Variants in DACH2 observed in about 807,000 individuals in gnomAD.
DACH2 encodes the protein dachshund homolog 2.
DACH2 carries 17 observed loss-of-function variants against 35.8 expected under a neutral mutation model. That is an observed-to-expected ratio of 0.48 (90% CI 0.33 to 0.71). The LOEUF (loss-of-function observed/expected upper bound fraction) is 0.71. Ranked by LOEUF, DACH2 falls within the 30% of genes least tolerant of loss-of-function variation. The probability of loss-of-function intolerance (pLI) is 0.02; values close to 1 mark genes in which losing one functional copy is unlikely to be tolerated. For synonymous variants in DACH2, 195 were observed against 177.3 expected, an observed-to-expected ratio of 1.10 and a Z score of -0.79; for missense variants, 469 against 472.7, an observed-to-expected ratio of 0.99 and a Z score of 0.07.
intron 3 of DACH2, among the ~76,000 whole-genome samples, chrX:86,630,724 T>C (rs986240205): frequency 4.8e-4 from 53 of 109,833 alleles, no homozygotes; most frequent in Non-Finnish European, 9.7e-4. Context: ...TGAGTCTTGC[T>C]CTGTCGCCCA....
At chrX:86,579,161 C>G (rs1203658182) in intron 3 of DACH2, among the ~76,000 whole-genome samples, 1 of 108,958 alleles carries the variant, frequency 9.2e-6, no homozygotes, top group African/African-American at 3.3e-5. Flanking sequence ...GGCACAATCT[C>G]GGCTCACTGC....
At chrX:86,618,181 C>T (rs2040028705) in intron 3 of DACH2, among the ~76,000 whole-genome samples, 1 of 111,787 alleles carries the variant, frequency 8.9e-6, no homozygotes, top group African/African-American at 3.3e-5. Context: ...GGGAAGATTA[C>T]TTGAGCCCAA....
chrX:86,571,933 T>C (rs1270090169), intron 3 of DACH2, among the ~76,000 whole-genome samples: 1 of 111,170 alleles, frequency 9.0e-6, no homozygotes, highest in Non-Finnish European at 1.9e-5. Flanking sequence ...CATAAAGGAA[T>C]GCTTTATGAT....
At chrX:86,604,954 C>A (rs1329679439) in intron 3 of DACH2, among the ~76,000 whole-genome samples, 2 of 111,618 alleles carry the variant, frequency 1.8e-5, no homozygotes, top group African/African-American at 6.5e-5. Context: ...CACAACCAGA[C>A]AAAAGGATGG....
intron 2 of DACH2, among the ~76,000 whole-genome samples, chrX:86,444,784 G>T (rs2037230758): frequency 9.1e-6 from 1 of 109,438 alleles, no homozygotes; most frequent in African/African-American, 3.3e-5. Context: ...TTTCTTCTAT[G>T]ATTTTTTAAT....
intron 6 of DACH2, among the ~76,000 whole-genome samples, chrX:86,720,794 C>T (rs934249689): frequency 2.7e-5 from 3 of 112,765 alleles, no homozygotes; most frequent in African/African-American, 9.7e-5. Context: ...TTTCCTTCTG[C>T]ACTGCCCTAG....
At chrX:86,376,523 A>G (rs2035970122) in intron 1 of DACH2, among the ~76,000 whole-genome samples, 1 of 110,702 alleles carries the variant, frequency 9.0e-6, no homozygotes, top group African/African-American at 3.3e-5. Context: ...TTGTCTTCAT[A>G]TATGGAAAAG....
intron 3 of DACH2, among the ~76,000 whole-genome samples, chrX:86,547,748 A>G (rs2038996018): frequency 8.9e-6 from 1 of 112,199 alleles, no homozygotes; most frequent in African/African-American, 3.2e-5. Context: ...TTACTTGAGG[A>G]TGTAAAATGG....
At chrX:86,154,436 C>T (rs1201822456) in intron 1 of DACH2, among the ~76,000 whole-genome samples, 2 of 111,129 alleles carry the variant, frequency 1.8e-5, no homozygotes, top group African/African-American at 6.5e-5. Flanking sequence ...TTATTTCCTC[C>T]TTTTCTTCCC....
chrX:86,208,481 A>G (rs1051719590), intron 1 of DACH2, among the ~76,000 whole-genome samples: 3 of 111,734 alleles, frequency 2.7e-5, no homozygotes, highest in Non-Finnish European at 3.8e-5. Flanking sequence ...ATGTTATACA[A>G]GATGTTATGA....
intron 2 of DACH2, among the ~76,000 whole-genome samples, chrX:86,480,469 C>T (rs775208162): frequency 4.0e-4 from 45 of 111,722 alleles, no homozygotes; most frequent in African/African-American, 1.3e-3. Context: ...TGTAACTCTA[C>T]CTTGCTATCA....
intron 3 of DACH2, among the ~76,000 whole-genome samples, chrX:86,590,213 G>A (rs978059463): frequency 1.3e-4 from 15 of 111,753 alleles, no homozygotes; most frequent in Non-Finnish European, 2.4e-4. Context: ...AATTAACTGC[G>A]CTGCTAAGGT....
At chrX:86,373,150 T>C (rs2035914650) in intron 1 of DACH2, among the ~76,000 whole-genome samples, 1 of 110,677 alleles carries the variant, frequency 9.0e-6, no homozygotes, top group Non-Finnish European at 1.9e-5. Flanking sequence ...TTCATGTGTG[T>C]TTTTGGTAGA....
intron 1 of DACH2, among the ~76,000 whole-genome samples, chrX:86,167,607 T>G (rs942601750): frequency 9.0e-6 from 1 of 111,596 alleles, no homozygotes; most frequent in African/African-American, 3.2e-5. Context: ...TTGCTCTTGC[T>G]TTTTAAATTC....
intron 3 of DACH2, among the ~76,000 whole-genome samples, chrX:86,648,055 G>A (rs752015793): frequency 2.2e-4 from 24 of 110,764 alleles, no homozygotes; most frequent in Admixed American, 3.8e-4. Context: ...TCAGTTATCG[G>A]TAAGTGCAAA....
At chrX:86,359,420 G>A (rs2035701372) in intron 1 of DACH2, among the ~76,000 whole-genome samples, 1 of 111,006 alleles carries the variant, frequency 9.0e-6, no homozygotes, top group South Asian at 3.8e-4. Context: ...CATTAGATCA[G>A]GGAAAGAAAG....
In DACH2 at chrX:86,698,525, T is replaced by TTTTTTTTTTG. The variant is rs2041098112; in HGVS notation, c.931+3355_931+3356insGTTTTTTTTT. 3.7e-5 allele frequency among the ~76,000 whole-genome samples: 2 copies of TTTTTTTTTTG among 53,628 alleles called. 1 individual carries two copies. Among genetic ancestry groups the TTTTTTTTTTG allele is most frequent in the Non-Finnish European group, 6.9e-5 (2 of 28,819 alleles). The allele number at this position is 53,628 out of a possible 115,157, so 46.6% of individuals were successfully genotyped here. On this transcript the variant is annotated intron_variant, in intron 5 of 11. Coordinates refer to ENST00000373125, the MANE Select transcript of DACH2 (RefSeq NM_053281.3). ...TTTTTGTTTTGTTAGTTTTGTGTTT[T>TTTTTTTTTTG]TTTTTTTTTTTTTTTTTTTTTTTAC...
At chrX:86,205,349 T>C (rs2032257792) in intron 1 of DACH2, among the ~76,000 whole-genome samples, 1 of 108,638 alleles carries the variant, frequency 9.2e-6, no homozygotes, top group South Asian at 4.1e-4. Context: ...AGCTTTATTT[T>C]CAAATAAGCC....
At chrX:86,551,605 G>A (rs1262053774) in intron 3 of DACH2, among the ~76,000 whole-genome samples, 2 of 111,869 alleles carry the variant, frequency 1.8e-5, no homozygotes, top group Admixed American at 9.6e-5. Context: ...TCCTTGTTAC[G>A]AGTTACATTA....
Sources: allele counts gnomAD v4.1 joint callset (sites outside exome capture counted in the v4.1 genomes callset), GRCh38; gene constraint gnomAD v4.1.1; transcripts MANE v1.5; gene names NCBI Gene and HGNC (gene_info 2026-07-23, HGNC 2026-07-21).